RASSF8: variants seen among roughly 807,000 people sequenced by gnomAD.
The protein encoded by RASSF8 is Ras association domain family member 8.
In RASSF8, 22 loss-of-function variants were observed where a neutral mutation model predicts 48.5. The observed-to-expected ratio is 0.45, with a 90% confidence interval of 0.32 to 0.65. The LOEUF is 0.65. Ranked by LOEUF, RASSF8 falls within the 30% of genes least tolerant of loss-of-function variation. The pLI, the probability that RASSF8 is intolerant of heterozygous loss-of-function variation, is 0.03. For missense variants in RASSF8, 418 were observed against 489.2 expected (o/e 0.85, Z 1.37); for synonymous variants, 127 against 171.5 (o/e 0.74, Z 2.03).
At chr12:26,008,653 T>C (rs1050211586) in intron 2 of RASSF8, among the ~76,000 whole-genome samples, 4 of 152,256 alleles carry the variant, frequency 2.6e-5, no homozygotes, top group African/African-American at 9.6e-5. Context: ...CTTATAGTAA[T>C]ATTTGTGTTC....
intron 2 of RASSF8, among the ~76,000 whole-genome samples, chr12:26,024,505 A>G (rs1300543831): frequency 6.6e-6 from 1 of 152,226 alleles, no homozygotes; most frequent in East Asian, 1.9e-4. Context: ...ACCAGACAAA[A>G]CTTTACAAGA....
chr12:25,996,869 T>C (rs1035692470), intron 2 of RASSF8, among the ~76,000 whole-genome samples: 5 of 152,198 alleles, frequency 3.3e-5, no homozygotes, highest in African/African-American at 1.2e-4. Flanking sequence ...CCTTTCTGAA[T>C]GAAACATCCA....
chr12:26,018,675 A>C (rs144116450), intron 2 of RASSF8, among the ~76,000 whole-genome samples: 11 of 152,310 alleles, frequency 7.2e-5, no homozygotes, highest in Non-Finnish European at 1.5e-4. Context: ...TGCCACTCTC[A>C]GAGGAAAGAG....
In RASSF8 at chr12:25,965,183, C is replaced by T. The variant is rs535565448; in HGVS notation, c.-203+6035C>T. 2.2e-3 allele frequency among the ~76,000 whole-genome samples: 328 copies of T among 152,130 alleles called. 4 individuals carry two copies. Among genetic ancestry groups the T allele is most frequent in the African/African-American group, 7.2e-3 (299 of 41,498 alleles). On this transcript the variant is annotated intron_variant, in intron 1 of 5. Transcript: ENST00000689635. Reference sequence around the variant, plus strand: ...GTCTTGATTTCCTGACCTCGTGATCCGCCTGCCTCGGCCTCCCAAAGTGCT... The same window carrying T: ...GTCTTGATTTCCTGACCTCGTGATCTGCCTGCCTCGGCCTCCCAAAGTGCT...
intron 1 of RASSF8, among the ~76,000 whole-genome samples, chr12:25,983,707 CAAAA>C (rs1400767658): frequency 6.6e-6 from 1 of 151,636 alleles, no homozygotes; most frequent in Non-Finnish European, 1.5e-5. Context: ...AGAAAAAAAA[CAAAA>C]AAGCTGGAGA....
chr12:26,012,789 T>C (rs537323411), intron 2 of RASSF8, among the ~76,000 whole-genome samples: 7 of 151,584 alleles, frequency 4.6e-5, no homozygotes, highest in African/African-American at 1.7e-4. Flanking sequence ...CCATCAGTCC[T>C]CCTGTCTCAG....
Position 25,970,090 on chromosome 12 carries a change from G to T in RASSF8, c.-203+10942G>T, listed in dbSNP as rs570484789. On this transcript the variant is annotated intron_variant, in intron 1 of 5. Transcript: ENST00000689635. ...TTTTAAACTCTCTTTCTTCCTGTAC[G>T]ACCCCACTTTTTTTTTTTTTTGGTG... Among the ~76,000 whole-genome samples, 195 of 147,714 alleles carry T rather than the reference G, an allele frequency of 1.3e-3. 2 individuals carry two copies. The highest frequency in any genetic ancestry group is 4.8e-3 in the African/African-American group (189 of 39,660).
In RASSF8 at chr12:26,067,550, A is replaced by C. The variant is rs767891541; in HGVS notation, c.994-19A>C. The C allele has an allele frequency of 6.3e-7, 1 of 1,593,088 alleles. No individual in the cohort carries two copies. Among genetic ancestry groups the C allele is most frequent in the Non-Finnish European group, 8.6e-7 (1 of 1,168,630 alleles). The stretch of plus-strand genomic sequence containing the variant: ...AGTAGTGAATCCTCAAATTTAAAAA[A>C]ATAATAATTTCCATCTAGGACAAAG... On this transcript the variant is annotated intron_variant, in intron 4 of 5. Transcript: ENST00000689635.
chr12:26,049,567 C>G (rs1943446164), intron 2 of RASSF8, among the ~76,000 whole-genome samples: 2 of 152,146 alleles, frequency 1.3e-5, no homozygotes, highest in Non-Finnish European at 2.9e-5. Context: ...ATTAACCCTG[C>G]TGGGTATGAG....
intron 2 of RASSF8, among the ~76,000 whole-genome samples, chr12:26,032,373 G>A (rs1327292734): frequency 6.6e-6 from 1 of 152,120 alleles, no homozygotes; most frequent in Non-Finnish European, 1.5e-5. Context: ...AAATCATCTA[G>A]GTAACAAACT....
chr12:26,073,805 CACATATATATACACAT>C (rs1591826476), downstream of RASSF8, among the ~76,000 whole-genome samples: 1 of 106,132 alleles, frequency 9.4e-6, no homozygotes, highest in East Asian at 2.7e-4. Flanking sequence ...TGTATACACA[CACATATATATACACAT>C]ACACACACAC....
chr12:26,051,724 A>T (rs1254678329), intron 2 of RASSF8, among the ~76,000 whole-genome samples: 1 of 152,218 alleles, frequency 6.6e-6, no homozygotes. Flanking sequence ...GAGCTTTAAC[A>T]TTGCATATGG....
chr12:26,061,081 G>T (rs770481319), intron 3 of RASSF8, among the ~76,000 whole-genome samples: 1 of 152,070 alleles, frequency 6.6e-6, no homozygotes, highest in Non-Finnish European at 1.5e-5. Flanking sequence ...CACATATGTG[G>T]TGTTCAATAT....
chr12:25,979,511 A>G (rs1360016728), intron 1 of RASSF8, among the ~76,000 whole-genome samples: 2 of 152,172 alleles, frequency 1.3e-5, no homozygotes, highest in African/African-American at 4.8e-5. Flanking sequence ...AAGATAATTT[A>G]TAATCTATAT....
At chr12:25,987,886 C>G (rs1941924049) in intron 1 of RASSF8, among the ~76,000 whole-genome samples, 1 of 148,128 alleles carries the variant, frequency 6.8e-6, no homozygotes, top group Non-Finnish European at 1.5e-5. Flanking sequence ...GAATCTCACT[C>G]TGTCACCCAG....
intron 1 of RASSF8, among the ~76,000 whole-genome samples, chr12:25,969,618 G>A (rs955542334): frequency 6.6e-6 from 1 of 152,110 alleles, no homozygotes; most frequent in Non-Finnish European, 1.5e-5. Flanking sequence ...GTGAGGAGAA[G>A]GGTCACATCC....
intron 2 of RASSF8, among the ~76,000 whole-genome samples, chr12:26,008,457 G>T (rs963176719): frequency 6.6e-6 from 1 of 152,142 alleles, no homozygotes; most frequent in Non-Finnish European, 1.5e-5. Flanking sequence ...TGGGAATTAT[G>T]TAAGGGATAC....
At chr12:25,984,224 C>A (rs1275186866) in intron 1 of RASSF8, among the ~76,000 whole-genome samples, 1 of 86,724 alleles carries the variant, frequency 1.2e-5, no homozygotes, top group African/African-American at 4.5e-5. Flanking sequence ...CTACACGTAG[C>A]TTTTTTTTTT....
intron 3 of RASSF8, among the ~76,000 whole-genome samples, chr12:26,058,532 G>GCGCA (rs1555169622): frequency 1.6e-5 from 1 of 61,218 alleles, no homozygotes; most frequent in African/African-American, 5.1e-5. Context: ...ATGCGCACGC[G>GCGCA]CGCGCGCACA....
Sources: allele counts gnomAD v4.1 joint callset (sites outside exome capture counted in the v4.1 genomes callset), GRCh38; gene constraint gnomAD v4.1.1; transcripts MANE v1.5; gene names NCBI Gene and HGNC (gene_info 2026-07-23, HGNC 2026-07-21).